The following CSMD1 variants were observed in gnomAD, a reference collection of about 807,000 sequenced individuals.
The protein encoded by CSMD1 is CUB and Sushi multiple domains 1.
Under a neutral mutation model 417.5 loss-of-function variants are expected in CSMD1, and 213 were observed. The ratio of observed to expected loss-of-function variants is 0.51; its 90% CI spans 0.46 to 0.57. The LOEUF is 0.57. Ranked by LOEUF, CSMD1 falls within the 20% of genes least tolerant of loss-of-function variation. The pLI is 0.00. For missense variants in CSMD1, 6,923 were observed against 4,529.7 expected, an observed-to-expected ratio of 1.53 and a Z score of -15.17; for synonymous variants, 2,862 against 1,736.8, an observed-to-expected ratio of 1.65 and a Z score of -16.11.
chr8:3,150,581 C>T (rs955971512), intron 40 of CSMD1, among the ~76,000 whole-genome samples: 2 of 152,016 alleles, frequency 1.3e-5, no homozygotes, highest in Admixed American at 6.6e-5. Context: ...TGGTTGTATT[C>T]ATTCATTCAT....
chr8:3,970,575 T>C (rs1476860741), intron 5 of CSMD1, among the ~76,000 whole-genome samples: 4 of 152,130 alleles, frequency 2.6e-5, no homozygotes. Context: ...GGAAATGTTG[T>C]TAAAGACCCA....
intron 2 of CSMD1, among the ~76,000 whole-genome samples, chr8:4,631,845 G>T (rs1802537126): frequency 6.6e-6 from 1 of 152,142 alleles, no homozygotes; most frequent in African/African-American, 2.4e-5. Flanking sequence ...CGAGATAAAT[G>T]CCAAAGCTAT....
intron 26 of CSMD1, among the ~76,000 whole-genome samples, chr8:3,255,887 C>G (rs958689697): frequency 6.6e-6 from 1 of 152,176 alleles, no homozygotes; most frequent in East Asian, 1.9e-4. Flanking sequence ...CACCCACTTT[C>G]CGACACTCGC....
chr8:4,507,326 T>A (rs1332987229), intron 2 of CSMD1, among the ~76,000 whole-genome samples: 2 of 152,200 alleles, frequency 1.3e-5, no homozygotes, highest in Non-Finnish European at 2.9e-5. Context: ...GAATAATTGT[T>A]CAATTAACGC....
intron 5 of CSMD1, among the ~76,000 whole-genome samples, chr8:3,822,689 G>C (rs1245482647): frequency 2.0e-5 from 3 of 152,122 alleles, no homozygotes; most frequent in Admixed American, 6.5e-5. Context: ...TCACGGCAAT[G>C]ACTTCCTCCT....
chr8:4,151,779 C>G (rs1017154616), intron 3 of CSMD1, among the ~76,000 whole-genome samples: 2 of 152,152 alleles, frequency 1.3e-5, no homozygotes, highest in Non-Finnish European at 2.9e-5. Flanking sequence ...ATTTCTTCTG[C>G]AAATGCTTAT....
intron 3 of CSMD1, among the ~76,000 whole-genome samples, chr8:4,112,999 G>C (rs1444191477): frequency 6.6e-6 from 1 of 152,108 alleles, no homozygotes; most frequent in Non-Finnish European, 1.5e-5. Flanking sequence ...TATTATATCT[G>C]TTATGGTAAT....
chr8:3,427,606 T>C lies in CSMD1; in HGVS notation c.1562-18001A>G, dbSNP rs201196413. On this transcript the variant is annotated intron_variant, in intron 12 of 69. Coordinates refer to ENST00000635120, the MANE Select transcript of CSMD1 (RefSeq NM_033225.6). ...AGATATGAAACAATCTATTTGACCA[T>C]ACTCTGCAAATCTAGTGTTCATAGA... Among the ~76,000 whole-genome samples the C allele has an allele frequency of 1.1e-4, 17 of 152,346 alleles. No homozygotes were observed. In the East Asian group the frequency reaches 3.1e-3, roughly 28 times the overall value.
At chr8:3,351,944 T>A (rs916589665) in intron 21 of CSMD1, among the ~76,000 whole-genome samples, 2 of 152,166 alleles carry the variant, frequency 1.3e-5, no homozygotes, top group Non-Finnish European at 2.9e-5. Context: ...TATTTGTGTT[T>A]GAGTTAATAC....
At chr8:3,080,544 G>C (rs986594794) in intron 49 of CSMD1, among the ~76,000 whole-genome samples, 7 of 152,306 alleles carry the variant, frequency 4.6e-5, no homozygotes, top group Admixed American at 4.6e-4. Context: ...ACTTTTATTT[G>C]CTGAATCCAG....
intron 1 of CSMD1, among the ~76,000 whole-genome samples, chr8:4,933,459 C>A (rs1346186326): frequency 6.6e-6 from 1 of 152,150 alleles, no homozygotes; most frequent in East Asian, 1.9e-4. Flanking sequence ...AATTTCAAAG[C>A]CAACAAGGAG....
intron 4 of CSMD1, among the ~76,000 whole-genome samples, chr8:4,001,652 CACTT>C (rs1303496610): frequency 6.6e-6 from 1 of 152,074 alleles, no homozygotes; most frequent in Admixed American, 6.6e-5. Flanking sequence ...AGATCTTAGA[CACTT>C]ACTATCTACA....
chr8:4,009,837 T>G (rs1816408225), intron 4 of CSMD1, among the ~76,000 whole-genome samples: 1 of 152,038 alleles, frequency 6.6e-6, no homozygotes, highest in African/African-American at 2.4e-5. Context: ...TCAACCCCAC[T>G]TACTTCATGC....
In CSMD1 at chr8:3,351,916, TTC is replaced by T. The variant is rs533112961; in HGVS notation, c.3305-3757_3305-3756del. ...ATTTAAATTATGACTTTTACATCTT[TTC>T]TCTGTTTTCAGCCGTTATTTGTGTT... is the stretch of plus-strand genomic sequence containing the variant. On this transcript the variant is annotated intron_variant, in intron 21 of 69. Coordinates refer to ENST00000635120, the MANE Select transcript of CSMD1 (RefSeq NM_033225.6). Among the ~76,000 whole-genome samples the T allele has an allele frequency of 1.1e-3, 161 of 152,220 alleles. 1 individual carries two copies. Among genetic ancestry groups the T allele is most frequent in the Non-Finnish European group, 2.1e-3 (142 of 68,010 alleles).
At chr8:3,938,112 A>G (rs1245363830) in intron 5 of CSMD1, among the ~76,000 whole-genome samples, 1 of 152,184 alleles carries the variant, frequency 6.6e-6, no homozygotes, top group Non-Finnish European at 1.5e-5. Flanking sequence ...AGTGTGAAGC[A>G]TATAAAATGT....
At chr8:3,056,225 T>C (rs1245558390) in intron 49 of CSMD1, among the ~76,000 whole-genome samples, 1 of 152,170 alleles carries the variant, frequency 6.6e-6, no homozygotes, top group African/African-American at 2.4e-5. Flanking sequence ...ACAGTTTGAT[T>C]TCAAAAAAGT....
intron 23 of CSMD1, among the ~76,000 whole-genome samples, chr8:3,321,535 C>A (rs184765098): frequency 5.9e-4 from 90 of 152,254 alleles, no homozygotes; most frequent in Admixed American, 1.5e-3. Context: ...GCAAATACCC[C>A]ATTACTTCGT....
Position 3,488,659 on chromosome 8 carries a change from G to A in CSMD1, c.1448+4964C>T, listed in dbSNP as rs553694847. Among the ~76,000 whole-genome samples the A allele has an allele frequency of 3.9e-5, 6 of 152,110 alleles. No individual in the cohort carries two copies. The East Asian group carries it at 9.7e-4, about 25-fold the overall frequency. ...TCGCTGAGTCCTAGCATAATATTTG[G>A]CATTCAATAAATAATTATTTAAAGA... On this transcript the variant is annotated intron_variant, in intron 11 of 69. Transcript: ENST00000635120.
At chr8:4,735,446 G>GC (rs978406739) in intron 1 of CSMD1, among the ~76,000 whole-genome samples, 2 of 152,300 alleles carry the variant, frequency 1.3e-5, no homozygotes, top group Non-Finnish European at 2.9e-5. Context: ...ACGTAGATCT[G>GC]CAAGTGTTGT....
Sources: allele counts gnomAD v4.1 joint callset (sites outside exome capture counted in the v4.1 genomes callset), GRCh38; gene constraint gnomAD v4.1.1; transcripts MANE v1.5; gene names NCBI Gene and HGNC (gene_info 2026-07-23, HGNC 2026-07-21).